ZNF155: variants seen among roughly 807,000 people sequenced by gnomAD.
ZNF155 encodes the protein KRAB A domain.
In ZNF155, 15 loss-of-function variants were observed where a neutral mutation model predicts 11.9. That is an observed-to-expected ratio of 1.26 (90% confidence interval 0.84 to 1.94). The LOEUF is 1.94. ZNF155 is among the 30% of genes most tolerant of loss of function. The pLI is 0.00. For missense variants in ZNF155, 602 were observed against 639.1 expected, an observed-to-expected ratio of 0.94 and a Z score of 0.63; for synonymous variants, 212 against 219.9, an observed-to-expected ratio of 0.96 and a Z score of 0.32.
chr19:43,993,623 A>G (rs1030106444), intron 4 of ZNF155, among the ~76,000 whole-genome samples: 1 of 152,184 alleles, frequency 6.6e-6, no homozygotes, highest in African/African-American at 2.4e-5. Context: ...CACATTGGCC[A>G]GGCTGGTCTC....
chr19:43,988,809 A>C, intron 2 of ZNF155: 1 of 369,246 alleles, frequency 2.7e-6, no homozygotes, highest in Non-Finnish European at 4.8e-6. Flanking sequence ...CCACTTCCTT[A>C]CCTCCCCTCT....
intron 2 of ZNF155, 131 bp from the exon 3 acceptor site, chr19:43,991,417 A>G (rs1481185197): frequency 6.8e-7 from 1 of 1,474,544 alleles, no homozygotes; most frequent in Non-Finnish European, 9.2e-7. Flanking sequence ...TGAGTGGGAA[A>G]TCTCTAAGTT....
At chr19:43,994,208 C>T (rs1384685528) in intron 4 of ZNF155, among the ~76,000 whole-genome samples, 1 of 152,118 alleles carries the variant, frequency 6.6e-6, no homozygotes, top group Non-Finnish European at 1.5e-5. Flanking sequence ...CAGGAGCATC[C>T]CCCTTTGTGG....
chr19:43,991,785 G>T (rs1212163137), intron 3 of ZNF155, 57 bp from the exon 4 acceptor site: 1 of 1,605,216 alleles, frequency 6.2e-7, no homozygotes, highest in Non-Finnish European at 8.5e-7. Context: ...AGTAAATTTT[G>T]CCTAAATATT....
chr19:43,992,919 T>C (rs918943711), intron 4 of ZNF155, among the ~76,000 whole-genome samples: 25 of 152,268 alleles, frequency 1.6e-4, no homozygotes, highest in African/African-American at 4.8e-4. Flanking sequence ...TTCTAAGCAT[T>C]GTTTTTATGA....
At chr19:43,984,303 C>T (rs1423386453) in intron 1 of ZNF155, 58 bp downstream of exon 1, 1 of 152,194 alleles carries the variant, frequency 6.6e-6, no homozygotes, top group East Asian at 1.9e-4. Context: ...GCCTAACGAC[C>T]TGGGGGGTCA....
rs1322004854 is a variant in ZNF155 at position 43,988,839 on chromosome 19, T to C, written c.15+281T>C. 13 of 322,408 alleles carry C rather than the reference T, an allele frequency of 4.0e-5. No homozygotes were observed. In the East Asian group the frequency reaches 5.0e-4, roughly 12 times the overall value. The allele number at this position is 322,408 out of a possible 1,614,324, so 20.0% of individuals were successfully genotyped here. A position where few individuals can be genotyped will look rare whatever the true frequency, so the allele number is the denominator to read the frequency against. On this transcript the variant is annotated intron_variant, in intron 2 of 4. Coordinates refer to ENST00000270014, the MANE Select transcript of ZNF155 (RefSeq NM_198089.3). ...CCCTCTCTCAAATTATCTGTTTTTA[T>C]CTTCTCTGCTGTTCGTCATGTACAT...
intron 2 of ZNF155, among the ~76,000 whole-genome samples, chr19:43,989,149 A>G (rs1038180256): frequency 3.3e-5 from 5 of 152,240 alleles, no homozygotes; most frequent in African/African-American, 1.2e-4. Flanking sequence ...TGTTTTGCAG[A>G]TAGAATATTT....
chr19:43,990,469 T>C (rs536114524), intron 2 of ZNF155, among the ~76,000 whole-genome samples: 4 of 152,322 alleles, frequency 2.6e-5, no homozygotes, highest in African/African-American at 9.6e-5. Flanking sequence ...TTTAATCCTT[T>C]AAAATACTGT....
At chr19:43,987,559 A>G (rs1975505461) in intron 1 of ZNF155, among the ~76,000 whole-genome samples, 1 of 152,192 alleles carries the variant, frequency 6.6e-6, no homozygotes, top group African/African-American at 2.4e-5. Context: ...AACAGGGCCA[A>G]ACGATGTTGG....
At chr19:43,988,833 T>C (rs984015470) in intron 2 of ZNF155, 1 of 330,302 alleles carries the variant, frequency 3.0e-6, no homozygotes, top group Non-Finnish European at 5.3e-6. Flanking sequence ...AAATTATCTG[T>C]TTTTATCTTC....
chr19:43,996,652 T>C lies in ZNF155; in HGVS notation c.795T>C (p.Cys265=), dbSNP rs1975881507. 3 of 1,614,164 alleles carry C rather than the reference T, an allele frequency of 1.9e-6. No individual in the cohort carries two copies. The East Asian group carries it at 6.7e-5, about 36-fold the overall frequency. ...AGAAACCTTACATTTGTGAGGCATGTGGGAAGGCCTTCATTCATGATTCCC... is the reference window on the plus strand; with the variant it reads ...AGAAACCTTACATTTGTGAGGCATGCGGGAAGGCCTTCATTCATGATTCCC... The part of the protein sequence containing the change: ...TGEKPYICEA[C]GKAFIHDSQL... The change falls in exon 5 of 5, where the codon TGT becomes TGC. Residue 265 remains cysteine (C), a synonymous_variant. Coordinates refer to ENST00000270014, the MANE Select transcript of ZNF155 (RefSeq NM_198089.3).
At position 43,995,270 on chromosome 19, in the gene ZNF155, C is replaced by T. The variant is rs1027730366; in HGVS notation, c.236-823C>T. On this transcript the variant is annotated intron_variant, in intron 4 of 4. Coordinates refer to ENST00000270014, the MANE Select transcript of ZNF155 (RefSeq NM_198089.3). ...GGGACTACAGGCATGTGCCACCACACGTGGCTAATTTTTGTATTTTTAGCA... is the reference window on the plus strand; with the variant it reads ...GGGACTACAGGCATGTGCCACCACATGTGGCTAATTTTTGTATTTTTAGCA... 5.3e-5 allele frequency among the ~76,000 whole-genome samples: 8 copies of T among 152,196 alleles called. No individual in the cohort carries two copies. The East Asian group carries it at 7.7e-4, about 15-fold the overall frequency.
intron 2 of ZNF155, chr19:43,990,127 G>T: frequency 6.8e-7 from 1 of 1,465,256 alleles, no homozygotes. Flanking sequence ...GTAAAAAACT[G>T]GGAAGAAAGC....
At chr19:43,988,691 T>C in intron 2 of ZNF155, 133 bp downstream of exon 2, 2 of 935,988 alleles carry the variant, frequency 2.1e-6, no homozygotes, top group Non-Finnish European at 3.0e-6. Flanking sequence ...GGTGCTTCCT[T>C]TATCTCTTTT....
rs576293264 is a variant in ZNF155, at chr19:43,984,784, T to G, written c.-86+539T>G. Among the ~76,000 whole-genome samples the G allele has an allele frequency of 7.0e-4, 106 of 152,338 alleles. 4 individuals carry two copies. The highest frequency in any genetic ancestry group is 2.4e-3 in the Admixed American group (37 of 15,308). The stretch of plus-strand genomic sequence containing the variant: ...AGAGCTCCAGCTGCTCCGGCCCTTC[T>G]CTTGGAGCCCGGCAGGGCTCTGGAT... On this transcript the variant is annotated intron_variant, in intron 1 of 4. Transcript: ENST00000270014.
At chr19:43,995,981 TGAACA>T in intron 4 of ZNF155, 107 bp from the exon 5 acceptor site, 1 of 1,363,900 alleles carries the variant, frequency 7.3e-7, no homozygotes, top group African/African-American at 1.5e-5. Context: ...GAAAACAAAC[TGAACA>T]TTCTCTGTAT....
At chr19:43,995,176 A>T (rs548675555) in intron 4 of ZNF155, among the ~76,000 whole-genome samples, 1 of 151,748 alleles carries the variant, frequency 6.6e-6, no homozygotes, top group Non-Finnish European at 1.5e-5. Flanking sequence ...CACGATCTCA[A>T]TCTCAGCTCA....
rs747575144 is a variant in ZNF155 at position 43,996,365 on chromosome 19, T to C, written c.508T>C (p.Tyr170His). Residue 170 changes from tyrosine (Y) to histidine (H), a missense_variant, in exon 5 of 5, where the codon TAC becomes CAC. Transcript: ENST00000270014. ...CATCTTTGATCTTCCTCAGCAGTTA[T>C]ACTCAGAAGAGAAGTCTTATACATG... ...VPIFDLPQQL[Y>H]SEEKSYTCDE... 7 of 1,614,068 alleles carry C rather than the reference T, an allele frequency of 4.3e-6. No individual in the cohort carries two copies. The highest frequency in any genetic ancestry group is 1.7e-5 in the Admixed American group (1 of 60,008).
Sources: gnomAD v4.1 joint callset for allele counts (sites outside exome capture counted in the v4.1 genomes callset) on GRCh38, gnomAD v4.1.1 for gene constraint, MANE v1.5 for transcripts, NCBI Gene and HGNC (gene_info 2026-07-23, HGNC 2026-07-21) for gene names.